Variants in ANKRD50 observed in about 807,000 individuals in gnomAD.
The protein encoded by ANKRD50 is ankyrin repeat domain-containing protein 50.
A neutral mutation model predicts 112.0 loss-of-function variants in ANKRD50; 40 were observed. The observed-to-expected ratio is 0.36, with a 90% CI of 0.28 to 0.46. The LOEUF (loss-of-function observed/expected upper bound fraction) is 0.46, where lower values mean the gene tolerates loss of function less well. Ranked by LOEUF, ANKRD50 falls within the 20% of genes least tolerant of loss-of-function variation. ANKRD50 has a pLI of 1.00. For synonymous variants in ANKRD50, 613 were observed against 619.1 expected (o/e 0.99, Z 0.15); for missense variants, 1,487 against 1,701.7 (o/e 0.87, Z 2.22).
chr4:124,705,771 A>G (rs1725492229), intron 2 of ANKRD50, among the ~76,000 whole-genome samples: 1 of 152,106 alleles, frequency 6.6e-6, no homozygotes. Context: ...CACCTCTAAC[A>G]CTAACTCTAG....
chr4:124,670,452 T>C lies in ANKRD50; in HGVS notation c.2825A>G (p.Lys942Arg), dbSNP rs776804865. Residue 942 changes from lysine (K) to arginine (R), a missense_variant, in exon 4 of 5, where the codon AAA (lysine) becomes AGA (arginine). Lys to Arg is a conservative substitution (Grantham distance 26, BLOSUM62 2). Coordinates refer to ENST00000504087, the MANE Select transcript of ANKRD50 (RefSeq NM_020337.3). Reference sequence around the variant, plus strand: ...AAGTGTAGGCCGACCATCAGCATCTTTGCAGTTAACATCAGCACCATGGCT... The same window carrying C: ...AAGTGTAGGCCGACCATCAGCATCTCTGCAGTTAACATCAGCACCATGGCT... ...LFSHGADVNC[K>R]DADGRPTLYI... 1 of 1,613,854 alleles carries C rather than the reference T, an allele frequency of 6.2e-7. No homozygotes were observed. Among genetic ancestry groups the C allele is most frequent in the South Asian group, 1.1e-5 (1 of 91,074 alleles).
intron 2 of ANKRD50, among the ~76,000 whole-genome samples, chr4:124,682,603 G>C (rs1245430355): frequency 6.6e-6 from 1 of 152,026 alleles, no homozygotes; most frequent in African/African-American, 2.4e-5. Flanking sequence ...GTCCTCTTAA[G>C]TAACTGGCCC....
rs371553062 is a variant in ANKRD50, at chr4:124,672,491, G to C, written c.786C>G (p.Ile262Met). The change falls in exon 4 of 5, where the codon ATC (isoleucine) becomes ATG (methionine). Residue 262 changes from isoleucine to methionine, a missense_variant. Transcript: ENST00000504087. The stretch of plus-strand genomic sequence containing the variant: ...GAATGTACTGCTGAACATCCTTGAC[G>C]ATATATGCCTTCCGAAGGTCATCTA... ...ISLDDLRKAY[I>M]VKDVQQYILH... is the part of the protein sequence containing the mutation. 6.2e-7 allele frequency: 1 copy of C among 1,604,592 alleles called. No individual in the cohort carries two copies. Among genetic ancestry groups the C allele is most frequent in the Non-Finnish European group, 8.5e-7 (1 of 1,177,160 alleles).
chr4:124,692,811 T>C (rs1209520300), intron 2 of ANKRD50, among the ~76,000 whole-genome samples: 1 of 152,212 alleles, frequency 6.6e-6, no homozygotes, highest in Admixed American at 6.5e-5. Context: ...TGCTGTTGCT[T>C]ATAAGCTACC....
chr4:124,698,773 G>C (rs536429826), intron 2 of ANKRD50, among the ~76,000 whole-genome samples: 1 of 152,230 alleles, frequency 6.6e-6, no homozygotes, highest in African/African-American at 2.4e-5. Flanking sequence ...TGTTAGGATT[G>C]TATTGAATCT....
rs547980767 is a variant in ANKRD50, at chr4:124,671,560, T to C, written c.1717A>G (p.Ile573Val). The C allele has an allele frequency of 4.3e-6, 7 of 1,613,776 alleles. 1 individual carries two copies. In the South Asian group the frequency reaches 6.6e-5, roughly 15 times the overall value. ...GGTGTATGTCCATGAGCATCTTCTA[T>C]CTCTAAATCTGCTCCCCTAGAGACA... ...LLVSRGADLE[I>V]EDAHGHTPLT... Residue 573 changes from isoleucine to valine, a missense_variant, in exon 4 of 5, where the codon ATA becomes GTA. Ile to Val is a conservative substitution (Grantham distance 29, BLOSUM62 3). Coordinates refer to ENST00000504087, the MANE Select transcript of ANKRD50 (RefSeq NM_020337.3).
chr4:124,700,964 A>G (rs1358490831), intron 2 of ANKRD50, among the ~76,000 whole-genome samples: 3 of 152,106 alleles, frequency 2.0e-5, no homozygotes, highest in Non-Finnish European at 4.4e-5. Context: ...AGAGAAATAC[A>G]CTTTTTTGTG....
At chr4:124,707,173 C>A (rs2110529640) in intron 2 of ANKRD50, among the ~76,000 whole-genome samples, 1 of 152,082 alleles carries the variant, frequency 6.6e-6, no homozygotes. Flanking sequence ...TATATTTAAT[C>A]TCCTGTCATG....
At position 124,670,495 on chromosome 4, in the gene ANKRD50, T is replaced by C. The variant is rs1560818080; in HGVS notation, c.2782A>G (p.Ile928Val). ...RVAALEGHRD[I>V]VELLFSHGAD... ...CCATGGCTAAAAAGCAATTCAACAA[T>C]GTCCCTGTGCCCTTCTAATGCAGCA... The change falls in exon 4 of 5, where the codon ATT becomes GTT. Residue 928 changes from isoleucine (I) to valine (V), a missense_variant. Around this residue, in one of 2 missense-constraint regions of ANKRD50, gnomAD observed 1,046 missense variants for 1,269.5 expected, o/e 0.82. Coordinates refer to ENST00000504087, the MANE Select transcript of ANKRD50 (RefSeq NM_020337.3). The C allele has an allele frequency of 1.2e-6, 2 of 1,613,822 alleles. No homozygotes were observed. The highest frequency in any genetic ancestry group is 8.5e-7 in the Non-Finnish European group (1 of 1,179,884).
intron 2 of ANKRD50, among the ~76,000 whole-genome samples, chr4:124,685,351 T>G (rs956953746): frequency 6.6e-6 from 1 of 152,168 alleles, no homozygotes; most frequent in Non-Finnish European, 1.5e-5. Flanking sequence ...GATTAAAAAT[T>G]TACTAAACTC....
At chr4:124,681,570 C>A (rs1330219410) in intron 2 of ANKRD50, among the ~76,000 whole-genome samples, 1 of 152,138 alleles carries the variant, frequency 6.6e-6, no homozygotes, top group Non-Finnish European at 1.5e-5. Context: ...CACTGACTAG[C>A]CATAACCAAT....
In ANKRD50 at chr4:124,710,506, A is replaced by G; in HGVS notation, c.6T>C (p.Thr2=). The G allele has an allele frequency of 1.2e-6, 2 of 1,608,728 alleles. No individual in the cohort carries two copies. The highest frequency in any genetic ancestry group is 8.5e-7 in the Non-Finnish European group (1 of 1,178,732). The change falls in exon 2 of 5, where the codon ACT becomes ACC. Residue 2 remains threonine (T), a synonymous_variant. Transcript: ENST00000504087. ...TGCAGACTTTCTCTTCCCAAGGATT[A>G]GTCATAACGGGTTTTTTATCTTCAT... M[T]NPWEEKVCKM...
rs1344788185 is a variant in ANKRD50 at position 124,671,975 on chromosome 4, T to C, written c.1302A>G (p.Arg434=). 6.2e-7 allele frequency: 1 copy of C among 1,613,948 alleles called. No individual in the cohort carries two copies. Among genetic ancestry groups the C allele is most frequent in the Admixed American group, 1.7e-5 (1 of 59,988 alleles). ...KYLCNAAEGH[R]MLAMSYTCQA... is the part of the protein sequence containing the mutation. Reference sequence around the variant, plus strand: ...GACAGGTATAACTCATAGCCAACATTCTGTGTCCTTCTGCTGCATTACATA... The same window carrying C: ...GACAGGTATAACTCATAGCCAACATCCTGTGTCCTTCTGCTGCATTACATA... Residue 434 remains arginine (R), a synonymous_variant, in exon 4 of 5, where the codon AGA becomes AGG. Transcript: ENST00000504087.
chr4:124,708,406 T>A (rs560959503), intron 2 of ANKRD50, among the ~76,000 whole-genome samples: 9 of 152,172 alleles, frequency 5.9e-5, no homozygotes, highest in Non-Finnish European at 7.4e-5. Flanking sequence ...CCTTTAGTTT[T>A]ATTGGACTAA....
chr4:124,679,385 A>C (rs1374486412), intron 2 of ANKRD50, among the ~76,000 whole-genome samples: 1 of 152,192 alleles, frequency 6.6e-6, no homozygotes, highest in East Asian at 1.9e-4. Flanking sequence ...CAGTTTATAC[A>C]AGCTCGTCTT....
intron 2 of ANKRD50, among the ~76,000 whole-genome samples, chr4:124,679,845 C>G (rs979047244): frequency 6.6e-6 from 1 of 152,190 alleles, no homozygotes; most frequent in Non-Finnish European, 1.5e-5. Flanking sequence ...AATTCTTCGT[C>G]TCTTTTACCT....
chr4:124,690,324 C>T (rs1167020521), intron 2 of ANKRD50, among the ~76,000 whole-genome samples: 1 of 152,210 alleles, frequency 6.6e-6, no homozygotes, highest in Admixed American at 6.5e-5. Flanking sequence ...AAAATGGCAA[C>T]ACACAATTAC....
At chr4:124,704,061 T>C (rs1013938406) in intron 2 of ANKRD50, among the ~76,000 whole-genome samples, 2 of 152,182 alleles carry the variant, frequency 1.3e-5, no homozygotes, top group African/African-American at 2.4e-5. Flanking sequence ...CAGAAGTTTG[T>C]ATCTTAAAGT....
At position 124,669,244 on chromosome 4, in the gene ANKRD50, G is replaced by A; in HGVS notation, c.4033C>T (p.Gln1345Ter). The change falls in exon 4 of 5, where the codon CAG (glutamine) becomes TAG (stop). Residue 1345 changes from glutamine (Q) to a stop codon, truncating the protein, a stop_gained. Transcript: ENST00000504087. LOFTEE classifies it high-confidence loss of function. ...CCACTTTGTTGGTGAATAAGAAACTGCTGTTGAGATCGACCAATTTCCTGC... is the reference window on the plus strand; with the variant it reads ...CCACTTTGTTGGTGAATAAGAAACTACTGTTGAGATCGACCAATTTCCTGC... ...AQQEIGRSQQ[Q>*]FLIHQQSGEQ... The A allele has an allele frequency of 1.9e-6, 3 of 1,613,616 alleles. No individual in the cohort carries two copies. The highest frequency in any genetic ancestry group is 2.5e-6 in the Non-Finnish European group (3 of 1,179,776).
Sources: gnomAD v4.1 joint callset for allele counts (sites outside exome capture counted in the v4.1 genomes callset) on GRCh38, gnomAD v4.1.1 for gene constraint, gnomAD v4.1.1 regional missense constraint, MANE v1.5 for transcripts, NCBI Gene and HGNC (gene_info 2026-07-23, HGNC 2026-07-21) for gene names.